HERPUD2: variants seen among roughly 807,000 people sequenced by gnomAD.
HERPUD2 encodes homocysteine-responsive endoplasmic reticulum-resident ubiquitin-like domain member 2 protein.
HERPUD2 carries 13 observed loss-of-function variants against 49.9 expected under a neutral mutation model. The ratio of observed to expected loss-of-function variants is 0.26; its 90% CI spans 0.17 to 0.41. The LOEUF is 0.41. Among genes scored for constraint, HERPUD2 ranks in the 10% least tolerant of loss-of-function variants. HERPUD2 has a pLI of 1.00. For missense variants in HERPUD2, 449 were observed against 492.2 expected (o/e 0.91, Z 0.83); for synonymous variants, 172 against 171.4 (o/e 1.00, Z -0.03).
intron 5 of HERPUD2, among the ~76,000 whole-genome samples, chr7:35,643,171 G>A (rs1326343079): frequency 6.6e-6 from 1 of 152,124 alleles, no homozygotes; most frequent in Non-Finnish European, 1.5e-5. Flanking sequence ...TAAAAATAGA[G>A]GATGTTATCA....
intron 5 of HERPUD2, among the ~76,000 whole-genome samples, chr7:35,656,691 T>C (rs1785281743): frequency 6.6e-6 from 1 of 152,122 alleles, no homozygotes; most frequent in Non-Finnish European, 1.5e-5. Context: ...TTTTCCTTTT[T>C]TCTTTTTTCT....
At chr7:35,656,019 G>T (rs905410970) in intron 5 of HERPUD2, among the ~76,000 whole-genome samples, 2 of 151,942 alleles carry the variant, frequency 1.3e-5, no homozygotes, top group African/African-American at 2.4e-5. Flanking sequence ...AAAATTAGCC[G>T]GGCATCATGG....
intron 5 of HERPUD2, among the ~76,000 whole-genome samples, chr7:35,639,002 T>C (rs755239239): frequency 6.6e-6 from 1 of 152,018 alleles, no homozygotes; most frequent in African/African-American, 2.4e-5. Context: ...TGTTCACATA[T>C]ACATTCTTAA....
At chr7:35,686,808 T>TGG (rs1215387825) in intron 2 of HERPUD2, among the ~76,000 whole-genome samples, 2 of 4,296 alleles carry the variant, frequency 4.7e-4, no homozygotes, top group Non-Finnish European at 7.5e-4. Context: ...TTTGGGAGGC[T>TGG]GGGGGGGGGG....
intron 2 of HERPUD2, among the ~76,000 whole-genome samples, chr7:35,674,446 GA>G (rs1785715672): frequency 1.5e-5 from 2 of 130,782 alleles, no homozygotes; most frequent in African/African-American, 2.8e-5. Context: ...GAGAGAGAGA[GA>G]GAGAGAGAGA....
At chr7:35,681,597 G>C (rs1462973814) in intron 2 of HERPUD2, among the ~76,000 whole-genome samples, 4 of 151,992 alleles carry the variant, frequency 2.6e-5, no homozygotes, top group Non-Finnish European at 4.4e-5. Context: ...CTGACAAATG[G>C]GTAAACAAAA....
intron 5 of HERPUD2, among the ~76,000 whole-genome samples, chr7:35,647,359 T>TC (rs1326848523): frequency 6.6e-6 from 1 of 152,310 alleles, no homozygotes; most frequent in South Asian, 2.1e-4. Flanking sequence ...AGCATTTTTT[T>TC]CGAGGCCATG....
chr7:35,682,267 A>G (rs1454850970), intron 2 of HERPUD2, among the ~76,000 whole-genome samples: 555 of 39,490 alleles, frequency 0.014, 24 homozygotes, highest in Middle Eastern at 0.022. Context: ...GTGTGTATAT[A>G]TAGATATATA....
intron 2 of HERPUD2, among the ~76,000 whole-genome samples, chr7:35,682,718 A>T (rs1177438675): frequency 6.6e-6 from 1 of 151,930 alleles, no homozygotes; most frequent in Non-Finnish European, 1.5e-5. Flanking sequence ...AATTCAGCAA[A>T]ATTTCCAGAT....
At chr7:35,670,125 T>C (rs1785611961) in intron 4 of HERPUD2, 90 bp downstream of exon 4, 4 of 548,962 alleles carry the variant, frequency 7.3e-6, no homozygotes, top group Admixed American at 3.3e-5. Context: ...CCAATTGTTC[T>C]GTTTTTCATT....
At position 35,673,144 on chromosome 7, in the gene HERPUD2, A is replaced by G. The variant is rs1583561885; in HGVS notation, c.225+57T>C. On this transcript the variant is annotated intron_variant, in intron 3 of 8. Transcript: ENST00000311350. ...AACTGGTTGAATAAAATTTCAGAAC[A>G]TATCTCCTCTCACATTCTGAATGTA... 56 of 1,315,324 alleles carry G rather than the reference A, an allele frequency of 4.3e-5. No homozygotes were observed. The East Asian group carries it at 4.9e-4, about 11-fold the overall frequency. The allele number at this position is 1,315,324 out of a possible 1,614,324, so 81.5% of individuals were successfully genotyped here.
intron 2 of HERPUD2, among the ~76,000 whole-genome samples, chr7:35,674,402 TATAGAGAGAGAGAG>T (rs1172604078): frequency 2.5e-3 from 136 of 54,348 alleles, no homozygotes; most frequent in East Asian, 8.8e-3. Flanking sequence ...TATATATATA[TATAGAGAGAGAGAG>T]AGAGAGAGAG....
In HERPUD2 at chr7:35,686,526, C is replaced by T. The variant is rs370642196; in HGVS notation, c.147+7658G>A. Among the ~76,000 whole-genome samples, 192 of 147,894 alleles carry T rather than the reference C, an allele frequency of 1.3e-3. 1 individual carries two copies. Among genetic ancestry groups the T allele is most frequent in the Admixed American group, 3.8e-3 (56 of 14,766 alleles). ...GCTTGATTAAAAACCCATTTCCACC[C>T]GGCTAAAACGGTGAAACCCCGTCTC... On this transcript the variant is annotated intron_variant, in intron 2 of 8. Transcript: ENST00000311350.
chr7:35,633,986 C>A, intron 8 of HERPUD2, 135 bp from the exon 9 acceptor site: 1 of 830,282 alleles, frequency 1.2e-6, no homozygotes, highest in Non-Finnish European at 1.8e-6. Context: ...TCTTTAAGGC[C>A]AAAATTGATA....
intron 2 of HERPUD2, among the ~76,000 whole-genome samples, chr7:35,690,304 G>C (rs1243486526): frequency 6.6e-6 from 1 of 152,156 alleles, no homozygotes; most frequent in Non-Finnish European, 1.5e-5. Context: ...ATCATTCAAA[G>C]TTAACTCCAA....
At chr7:35,679,429 A>G (rs1379406332) in intron 2 of HERPUD2, among the ~76,000 whole-genome samples, 1 of 152,186 alleles carries the variant, frequency 6.6e-6, no homozygotes, top group Admixed American at 6.6e-5. Flanking sequence ...CAGAACAGTT[A>G]GGCAATAGCT....
intron 5 of HERPUD2, among the ~76,000 whole-genome samples, chr7:35,666,294 G>C (rs1047931746): frequency 1.3e-5 from 2 of 152,138 alleles, no homozygotes; most frequent in Admixed American, 6.5e-5. Context: ...GAAAGAAAAG[G>C]CTTCACATTT....
rs1334840448 is a variant in HERPUD2, at chr7:35,668,890, G to A, written c.340-1302C>T. Reference sequence around the variant, plus strand: ...GAACTAATGATTTCTGACCTTATTAGGTAATTATTTTATGATTAGATCTTT... The same window carrying A: ...GAACTAATGATTTCTGACCTTATTAAGTAATTATTTTATGATTAGATCTTT... On this transcript the variant is annotated intron_variant, in intron 4 of 8. Coordinates refer to ENST00000311350, the MANE Select transcript of HERPUD2 (RefSeq NM_022373.5). Among the ~76,000 whole-genome samples the A allele has an allele frequency of 5.3e-5, 8 of 151,970 alleles. No homozygotes were observed. In the South Asian group the frequency reaches 1.5e-3, roughly 28 times the overall value.
intron 2 of HERPUD2, among the ~76,000 whole-genome samples, chr7:35,680,408 TCAAAAAAC>T (rs1166841354): frequency 2.0e-5 from 3 of 152,008 alleles, no homozygotes; most frequent in African/African-American, 4.8e-5. Context: ...AGACCCTGTC[TCAAAAAAC>T]CAAAAAACAA....
Sources: gnomAD v4.1 joint callset for allele counts (sites outside exome capture counted in the v4.1 genomes callset) on GRCh38, gnomAD v4.1.1 for gene constraint, MANE v1.5 for transcripts, NCBI Gene and HGNC (gene_info 2026-07-23, HGNC 2026-07-21) for gene names.